Variants in ZC3H12B observed in about 807,000 individuals in gnomAD.
ZC3H12B encodes the protein probable ribonuclease ZC3H12B.
In ZC3H12B, 7 loss-of-function variants were observed where a neutral mutation model predicts 43.9. The ratio of observed to expected loss-of-function variants is 0.16; its 90% CI spans 0.09 to 0.30. ZC3H12B has a LOEUF of 0.30. ZC3H12B is among the 10% of genes least tolerant of loss of function. The pLI is 1.00. For synonymous variants in ZC3H12B, 222 were observed against 241.7 expected (o/e 0.92, Z 0.76); for missense variants, 475 against 670.2 (o/e 0.71, Z 3.22).
chrX:65,482,799 C>T (rs2068079582), intron 3 of ZC3H12B, among the ~76,000 whole-genome samples: 1 of 111,863 alleles, frequency 8.9e-6, no homozygotes, highest in Admixed American at 9.5e-5. Flanking sequence ...TGGAAGGTAG[C>T]AGAAAAATGA....
the ZC3H12B span, among the ~76,000 whole-genome samples, chrX:65,145,992 G>A: frequency 9.0e-6 from 1 of 111,375 alleles, no homozygotes; most frequent in Non-Finnish European, 1.9e-5. Context: ...AATTTCCCAG[G>A]TGTTCTTTGT....
chrX:65,147,319 G>C, the ZC3H12B span, among the ~76,000 whole-genome samples: 1 of 111,612 alleles, frequency 9.0e-6, no homozygotes, highest in Non-Finnish European at 1.9e-5. Flanking sequence ...ACCTTGGTCA[G>C]AAGTTGGATG....
At chrX:65,347,105 G>C in the ZC3H12B span, among the ~76,000 whole-genome samples, 159 of 112,361 alleles carry the variant, frequency 1.4e-3, no homozygotes, top group Non-Finnish European at 2.6e-3. Flanking sequence ...CCAGAGGAAA[G>C]ATCAGGCAGC....
chrX:65,058,546 C>CT, the ZC3H12B span, among the ~76,000 whole-genome samples: 1 of 111,263 alleles, frequency 9.0e-6, no homozygotes, highest in Non-Finnish European at 1.9e-5. Flanking sequence ...AGGAGGCAGT[C>CT]TGTCTGTTCT....
the ZC3H12B span, among the ~76,000 whole-genome samples, chrX:65,202,445 T>G: frequency 9.2e-6 from 1 of 109,124 alleles, no homozygotes; most frequent in Admixed American, 1.0e-4. Context: ...GCAGCATAAG[T>G]GGGCACTCAA....
chrX:65,218,107 C>G, the ZC3H12B span, among the ~76,000 whole-genome samples: 1 of 112,333 alleles, frequency 8.9e-6, no homozygotes, highest in Non-Finnish European at 1.9e-5. Context: ...TTACATCTTA[C>G]TTCTCACCAG....
chrX:65,145,516 T>C, the ZC3H12B span, among the ~76,000 whole-genome samples: 1 of 111,973 alleles, frequency 8.9e-6, no homozygotes, highest in African/African-American at 3.2e-5. Context: ...TCGTGCTATT[T>C]GCTGCCTGTA....
At chrX:65,132,272 C>T in the ZC3H12B span, among the ~76,000 whole-genome samples, 11 of 111,365 alleles carry the variant, frequency 9.9e-5, no homozygotes, top group Admixed American at 1.9e-4. Context: ...AAGACTTGTC[C>T]GGTTTTTGAA....
intron 2 of ZC3H12B, among the ~76,000 whole-genome samples, chrX:65,378,764 C>T (rs1328828915): frequency 8.9e-6 from 1 of 112,536 alleles, no homozygotes; most frequent in East Asian, 2.8e-4. Flanking sequence ...CGTGTGCCTG[C>T]CAAAGCAGGG....
chrX:65,161,261 G>T, the ZC3H12B span, among the ~76,000 whole-genome samples: 1 of 111,596 alleles, frequency 9.0e-6, no homozygotes, highest in Non-Finnish European at 1.9e-5. Flanking sequence ...GGAGAGTTCT[G>T]TAGATATCTA....
the ZC3H12B span, among the ~76,000 whole-genome samples, chrX:65,113,963 C>T: frequency 1.3e-5 from 1 of 77,666 alleles, no homozygotes; most frequent in Admixed American, 2.0e-4. Flanking sequence ...GGAACTGAAA[C>T]CGCAATATCT....
chrX:65,130,367 G>A, the ZC3H12B span, among the ~76,000 whole-genome samples: 31 of 111,178 alleles, frequency 2.8e-4, no homozygotes, highest in African/African-American at 5.6e-4. Flanking sequence ...AAATGACTGT[G>A]GTGACCTTTT....
At chrX:65,051,686 A>T in the ZC3H12B span, among the ~76,000 whole-genome samples, 3 of 111,725 alleles carry the variant, frequency 2.7e-5, no homozygotes, top group Non-Finnish European at 3.8e-5. Flanking sequence ...TTTTTCAGCG[A>T]AGAAGTAGTT....
chrX:65,193,662 T>A, the ZC3H12B span, among the ~76,000 whole-genome samples: 471 of 112,020 alleles, frequency 4.2e-3, 2 homozygotes, highest in African/African-American at 0.014. Context: ...TTATTTCTTC[T>A]ACTAATTTGT....
At chrX:65,220,915 A>C in the ZC3H12B span, among the ~76,000 whole-genome samples, 1 of 111,877 alleles carries the variant, frequency 8.9e-6, no homozygotes, top group Admixed American at 9.5e-5. Context: ...TCATCAGCAC[A>C]TGGAACATTC....
chrX:65,117,840 T>C, the ZC3H12B span, among the ~76,000 whole-genome samples: 1 of 112,046 alleles, frequency 8.9e-6, no homozygotes, highest in African/African-American at 3.2e-5. Flanking sequence ...ATTGCTTGTT[T>C]TTCTCAGGTT....
At chrX:65,489,557 C>T (rs770797098) in intron 1 of ZC3H12B, 148 bp downstream of exon 6, 60 of 755,720 alleles carry the variant, frequency 7.9e-5, no homozygotes, top group Non-Finnish European at 1.1e-4. Flanking sequence ...AATGATCCTG[C>T]CCTTGCCTTT....
At chrX:65,144,593 G>A in the ZC3H12B span, among the ~76,000 whole-genome samples, 3 of 111,638 alleles carry the variant, frequency 2.7e-5, no homozygotes, top group Non-Finnish European at 5.7e-5. Flanking sequence ...GAGACTTTTG[G>A]ATGTAGGTGT....
At chrX:65,421,947 CA>C (rs113194708) in intron 3 of ZC3H12B, among the ~76,000 whole-genome samples, 11,969 of 70,485 alleles carry the variant, frequency 0.17, 2,218 homozygotes, top group African/African-American at 0.51. Flanking sequence ...GACTCCATCT[CA>C]AAAAAAAAAA....
Sources: allele counts gnomAD v4.1 joint callset (sites outside exome capture counted in the v4.1 genomes callset), GRCh38; gene constraint gnomAD v4.1.1; transcripts MANE v1.5; gene names NCBI Gene and HGNC (gene_info 2026-07-23, HGNC 2026-07-21).